OIT3: variants seen among roughly 807,000 people sequenced by gnomAD.
OIT3 encodes the protein oncoprotein-induced transcript 3 protein.
In OIT3, 41 loss-of-function variants were observed where a neutral mutation model predicts 52.2. That is an observed-to-expected ratio of 0.79 (90% CI 0.61 to 1.02). OIT3 has a LOEUF of 1.02. Ranked by LOEUF, OIT3 falls within the 50% of genes least tolerant of loss-of-function variation. OIT3 has a pLI of 0.00. For synonymous variants in OIT3, 244 were observed against 276.9 expected (o/e 0.88, Z 1.18); for missense variants, 634 against 715.5 (o/e 0.89, Z 1.30).
At chr10:72,918,668 G>A (rs1049383170) in intron 6 of OIT3, 25 of 605,748 alleles carry the variant, frequency 4.1e-5, no homozygotes, top group African/African-American at 1.1e-4. Context: ...GTTAATTTTC[G>A]TATATGGTGT....
At chr10:72,931,746 T>C (rs1846218331) in intron 8 of OIT3, among the ~76,000 whole-genome samples, 1 of 152,256 alleles carries the variant, frequency 6.6e-6, no homozygotes, top group Non-Finnish European at 1.5e-5. Flanking sequence ...GGAAGATTTT[T>C]TATCATTGTT....
chr10:72,922,542 G>A (rs1045840981), intron 6 of OIT3, among the ~76,000 whole-genome samples: 1 of 151,910 alleles, frequency 6.6e-6, no homozygotes, highest in Non-Finnish European at 1.5e-5. Context: ...GGTTGGTTAT[G>A]TTCTTCTCTA....
chr10:72,931,918 A>T lies in OIT3; in HGVS notation c.1468-436A>T, dbSNP rs984169495. ...TGATCCTGATTGCCCTCAATCAGGC[A>T]GGAAGCTCAGGCAGTTACCTACAGA... On this transcript the variant is annotated intron_variant, in intron 8 of 8. Transcript: ENST00000334011. Among the ~76,000 whole-genome samples, 8 of 152,346 alleles carry T rather than the reference A, an allele frequency of 5.3e-5. No individual in the cohort carries two copies. The East Asian group carries it at 1.3e-3, about 26-fold the overall frequency.
At chr10:72,896,264 A>G (rs1485806677) in intron 1 of OIT3, among the ~76,000 whole-genome samples, 2 of 152,234 alleles carry the variant, frequency 1.3e-5, no homozygotes, top group Non-Finnish European at 2.9e-5. Flanking sequence ...TTATAAAATT[A>G]GAGCCAGGGA....
chr10:72,899,604 AAAAAAAAG>A, intron 2 of OIT3, among the ~76,000 whole-genome samples: 1 of 151,960 alleles, frequency 6.6e-6, no homozygotes, highest in South Asian at 2.1e-4. Context: ...TCAAAAAAAA[AAAAAAAAG>A]AAAAAAAGAA....
chr10:72,895,382 T>G (rs1351439365), intron 1 of OIT3, among the ~76,000 whole-genome samples: 1 of 152,122 alleles, frequency 6.6e-6, no homozygotes, highest in Non-Finnish European at 1.5e-5. Flanking sequence ...CCTTCCCAGA[T>G]CTTTTCCTCC....
intron 6 of OIT3, among the ~76,000 whole-genome samples, chr10:72,920,611 G>C (rs1433010103): frequency 6.6e-6 from 1 of 152,190 alleles, no homozygotes; most frequent in Non-Finnish European, 1.5e-5. Context: ...CTGTGCCCCT[G>C]AGATTCTGGT....
chr10:72,906,497 A>T, intron 3 of OIT3, 99 bp from the exon 4 acceptor site: 2 of 1,350,274 alleles, frequency 1.5e-6, no homozygotes, highest in Non-Finnish European at 2.1e-6. Context: ...TGGAAGGTGC[A>T]TCAACAGGAT....
intron 2 of OIT3, among the ~76,000 whole-genome samples, chr10:72,899,629 A>G (rs1845910650): frequency 6.6e-6 from 1 of 151,884 alleles, no homozygotes; most frequent in African/African-American, 2.4e-5. Flanking sequence ...AGAAAATGAA[A>G]CACTGATTTA....
At chr10:72,909,095 T>C (rs1846006898) in intron 4 of OIT3, among the ~76,000 whole-genome samples, 1 of 150,146 alleles carries the variant, frequency 6.7e-6, no homozygotes, top group Admixed American at 6.6e-5. Context: ...TCCCTCCTCC[T>C]ACCTTTTGGA....
intron 7 of OIT3, 144 bp from the exon 8 acceptor site, chr10:72,930,393 AT>A: frequency 1.5e-6 from 1 of 680,350 alleles, no homozygotes; most frequent in South Asian, 1.7e-5. Context: ...GAAAAATTTA[AT>A]TTTTCTTTCA....
At chr10:72,929,299 CT>C (rs1477698170) in intron 7 of OIT3, among the ~76,000 whole-genome samples, 1 of 151,746 alleles carries the variant, frequency 6.6e-6, no homozygotes, top group African/African-American at 2.4e-5. Flanking sequence ...CTGACCTCCA[CT>C]TTTTTCCTGG....
intron 7 of OIT3, among the ~76,000 whole-genome samples, chr10:72,925,772 G>A (rs1200823639): frequency 6.6e-6 from 1 of 152,102 alleles, no homozygotes; most frequent in Non-Finnish European, 1.5e-5. Context: ...ACCATGCCCA[G>A]CTAATTCTTT....
At chr10:72,923,882 C>T (rs1053964689) in intron 6 of OIT3, among the ~76,000 whole-genome samples, 4 of 152,116 alleles carry the variant, frequency 2.6e-5, no homozygotes, top group African/African-American at 9.7e-5. Context: ...CCGCTTGGCA[C>T]TCCATCCCAG....
At position 72,932,404 on chromosome 10, in the gene OIT3, T is replaced by G. The variant is rs1263670236; in HGVS notation, c.1518T>G (p.Arg506=). 6.2e-7 allele frequency: 1 copy of G among 1,614,066 alleles called. No homozygotes were observed. Among genetic ancestry groups the G allele is most frequent in the East Asian group, 2.2e-5 (1 of 44,898 alleles). The change falls in exon 9 of 9, where the codon CGT becomes CGG. Residue 506 remains arginine, a synonymous_variant. Coordinates refer to ENST00000334011, the MANE Select transcript of OIT3 (RefSeq NM_152635.3). ...RVLVCGVLDE[R]SRCAQGCHRR... The stretch of plus-strand genomic sequence containing the variant: ...TTGTCTGTGGAGTGTTGGACGAGCG[T>G]TCCCGCTGTGCCCAGGGTTGCCACC...
At chr10:72,903,361 G>T (rs1226451678) in intron 3 of OIT3, among the ~76,000 whole-genome samples, 2 of 152,104 alleles carry the variant, frequency 1.3e-5, no homozygotes, top group African/African-American at 4.8e-5. Flanking sequence ...GAGTAGCTAG[G>T]ATTACAGATG....
At chr10:72,910,891 A>G (rs1376076069) in intron 4 of OIT3, among the ~76,000 whole-genome samples, 3 of 152,234 alleles carry the variant, frequency 2.0e-5, no homozygotes, top group African/African-American at 7.2e-5. Context: ...GCACATGGCT[A>G]TGTGCCAATA....
intron 2 of OIT3, 96 bp from the exon 3 acceptor site, chr10:72,900,281 A>C: frequency 8.9e-6 from 6 of 677,688 alleles, no homozygotes; most frequent in Non-Finnish European, 1.0e-5. Context: ...ACATAGGGAT[A>C]CCACCCCCCC....
chr10:72,918,250 G>C (rs904143265), intron 6 of OIT3: 5 of 815,000 alleles, frequency 6.1e-6, no homozygotes, highest in Non-Finnish European at 1.1e-5. Context: ...ATCACTGGGG[G>C]TGTTATTTCA....
Sources: gnomAD v4.1 joint callset for allele counts (sites outside exome capture counted in the v4.1 genomes callset) on GRCh38, gnomAD v4.1.1 for gene constraint, MANE v1.5 for transcripts, NCBI Gene and HGNC (gene_info 2026-07-23, HGNC 2026-07-21) for gene names.